TCEANC2: variants seen among roughly 807,000 people sequenced by gnomAD.
The protein encoded by TCEANC2 is transcription elongation factor A N-terminal and central domain-containing protein 2.
Under a neutral mutation model 22.8 loss-of-function variants are expected in TCEANC2, and 20 were observed. The observed-to-expected ratio is 0.88, with a 90% CI of 0.62 to 1.28. TCEANC2 has a LOEUF of 1.28. Ranked by LOEUF, TCEANC2 falls within the 50% of genes most tolerant of loss-of-function variation. The pLI is 0.00. For missense variants in TCEANC2, 251 were observed against 249.7 expected, an observed-to-expected ratio of 1.01 and a Z score of -0.03; for synonymous variants, 84 against 95.5, an observed-to-expected ratio of 0.88 and a Z score of 0.70.
At chr1:54,054,618 C>T in intron 2 of TCEANC2, 94 bp downstream of exon 2, 1 of 1,224,674 alleles carries the variant, frequency 8.2e-7, no homozygotes, top group South Asian at 1.6e-5. Context: ...TGAATTATTT[C>T]TTGTTATGCC....
chr1:54,079,919 CGTT>C (rs1294597988), intron 3 of TCEANC2, among the ~76,000 whole-genome samples: 1 of 152,028 alleles, frequency 6.6e-6, no homozygotes, highest in Non-Finnish European at 1.5e-5. Flanking sequence ...CTTGAGTTAT[CGTT>C]ATTATTATTA....
intron 2 of TCEANC2, among the ~76,000 whole-genome samples, chr1:54,057,943 G>A (rs933970222): frequency 1.3e-5 from 2 of 152,064 alleles, no homozygotes; most frequent in Non-Finnish European, 1.5e-5. Flanking sequence ...ATCTTGTCTT[G>A]GAGGCAATAT....
chr1:54,088,810 C>A lies in TCEANC2; in HGVS notation c.438+20C>A. The A allele has an allele frequency of 1.3e-6, 2 of 1,516,726 alleles. No individual in the cohort carries two copies. Among genetic ancestry groups the A allele is most frequent in the Non-Finnish European group, 1.8e-6 (2 of 1,126,038 alleles). The allele number at this position is 1,516,726 out of a possible 1,614,324, so 94.0% of individuals were successfully genotyped here. A position where few individuals can be genotyped will look rare whatever the true frequency, so the allele number is the denominator to read the frequency against. On this transcript the variant is annotated intron_variant, in intron 4 of 4. Transcript: ENST00000234827. ...TTAAAGGTAATGCCCTAAATATATACAACTGTTATGTACCCATAATAATTA... is the reference window on the plus strand; with the variant it reads ...TTAAAGGTAATGCCCTAAATATATAAAACTGTTATGTACCCATAATAATTA...
At chr1:54,110,796 A>T (rs74085200), downstream of TCEANC2, among the ~76,000 whole-genome samples, 5,479 of 151,794 alleles carry the variant, frequency 0.036, 253 homozygotes, top group East Asian at 0.2. Context: ...CTTCCTGACT[A>T]TACCCCTTCC....
At chr1:54,085,904 T>C (rs1220891756) in intron 3 of TCEANC2, among the ~76,000 whole-genome samples, 2 of 152,076 alleles carry the variant, frequency 1.3e-5, no homozygotes, top group Admixed American at 1.3e-4. Flanking sequence ...TGGCTAATTT[T>C]TTAATTTTTT....
chr1:54,054,586 G>T, intron 2 of TCEANC2, 62 bp downstream of exon 2: 1 of 1,508,976 alleles, frequency 6.6e-7, no homozygotes, highest in East Asian at 2.3e-5. Flanking sequence ...TGGTGCTAGA[G>T]GTTCTGTTGT....
In TCEANC2 at chr1:54,092,861, T is replaced by A. The variant is rs1658474213; in HGVS notation, c.439-3424T>A. Reference sequence around the variant, plus strand: ...TATATCTTCCTCCAGCTATAGCTAGTTCATCCAGAATTAGCTGTATAACAC... The same window carrying A: ...TATATCTTCCTCCAGCTATAGCTAGATCATCCAGAATTAGCTGTATAACAC... On this transcript the variant is annotated intron_variant, in intron 4 of 4. Transcript: ENST00000234827. Among the ~76,000 whole-genome samples, 4 of 148,668 alleles carry A rather than the reference T, an allele frequency of 2.7e-5. 1 individual carries two copies. The South Asian group carries it at 8.3e-4, about 31-fold the overall frequency.
At position 54,068,910 on chromosome 1, in the gene TCEANC2, T is replaced by C. The variant is rs190826236; in HGVS notation, c.244+13T>C. ...TCAACAAGGATAGGTATATTCCTTC[T>C]TAATTTTATTTTTTAAGAAAGCTTA... On this transcript the variant is annotated intron_variant, in intron 3 of 4. Coordinates refer to ENST00000234827, the MANE Select transcript of TCEANC2 (RefSeq NM_153035.3). 141 of 1,523,674 alleles carry C rather than the reference T, an allele frequency of 9.3e-5. No individual in the cohort carries two copies. The highest frequency in any genetic ancestry group is 3.7e-5 in the Non-Finnish European group (42 of 1,142,004). The allele number at this position is 1,523,674 out of a possible 1,614,324, so 94.4% of individuals were successfully genotyped here. A position where few individuals can be genotyped will look rare whatever the true frequency, so the allele number is the denominator to read the frequency against.
chr1:54,087,479 A>T (rs1019672225), intron 3 of TCEANC2, among the ~76,000 whole-genome samples: 2 of 152,162 alleles, frequency 1.3e-5, no homozygotes, highest in African/African-American at 4.8e-5. Flanking sequence ...TTGTCATTTC[A>T]ACTCTACATA....
chr1:54,080,869 A>G (rs762302726), intron 3 of TCEANC2, among the ~76,000 whole-genome samples: 4 of 152,222 alleles, frequency 2.6e-5, no homozygotes, highest in Non-Finnish European at 5.9e-5. Flanking sequence ...CATAAACTTC[A>G]TGGAGCAAAT....
At chr1:54,109,536 G>T (rs1380572448), downstream of TCEANC2, among the ~76,000 whole-genome samples, 1 of 152,176 alleles carries the variant, frequency 6.6e-6, no homozygotes. Flanking sequence ...GTAACTATTT[G>T]TTAACCAGCA....
chr1:54,061,801 A>C (rs1398993020), intron 2 of TCEANC2, among the ~76,000 whole-genome samples: 2 of 152,178 alleles, frequency 1.3e-5, no homozygotes, highest in African/African-American at 4.8e-5. Flanking sequence ...GAGGTATAAA[A>C]ATCTTGGAAT....
chr1:54,089,206 C>T (rs1424161751), intron 4 of TCEANC2, among the ~76,000 whole-genome samples: 2 of 152,162 alleles, frequency 1.3e-5, no homozygotes, highest in Admixed American at 6.5e-5. Context: ...GTAGTGCCTG[C>T]TGATTAGAAG....
chr1:54,068,556 C>G (rs1450753308), intron 2 of TCEANC2, among the ~76,000 whole-genome samples, 200 bp from the exon 3 acceptor site: 1 of 152,208 alleles, frequency 6.6e-6, no homozygotes, highest in Non-Finnish European at 1.5e-5. Flanking sequence ...CTAATAGATG[C>G]ACCTCTCTTC....
At chr1:54,078,984 A>G (rs779735342) in intron 3 of TCEANC2, among the ~76,000 whole-genome samples, 8 of 152,230 alleles carry the variant, frequency 5.3e-5, no homozygotes, top group Non-Finnish European at 1.2e-4. Flanking sequence ...GCTGGCAGTG[A>G]TAAGGCCTCT....
rs751564960 is a variant in TCEANC2, at chr1:54,054,170, C to T, written c.-42-211C>T. On this transcript the variant is annotated intron_variant, in intron 1 of 4. Coordinates refer to ENST00000234827, the MANE Select transcript of TCEANC2 (RefSeq NM_153035.3). ...GCGTGCACTTCTGGAAGCTAGGAACCTCCTAACTCAGGACGTAGACTGATG... is the reference window on the plus strand; with the variant it reads ...GCGTGCACTTCTGGAAGCTAGGAACTTCCTAACTCAGGACGTAGACTGATG... 6 of 1,258,434 alleles carry T rather than the reference C, an allele frequency of 4.8e-6. No individual in the cohort carries two copies. The East Asian group carries it at 1.4e-4, about 29-fold the overall frequency. 78.0% of individuals were successfully genotyped at this position (1,258,434 alleles called of 1,614,324 possible). A position where few individuals can be genotyped will look rare whatever the true frequency, so the allele number is the denominator to read the frequency against.
chr1:54,091,315 C>T (rs1658443249), intron 4 of TCEANC2, among the ~76,000 whole-genome samples: 1 of 152,162 alleles, frequency 6.6e-6, no homozygotes, highest in Non-Finnish European at 1.5e-5. Context: ...AATCAATGAA[C>T]CATCTAATTC....
At chr1:54,106,281 G>A (rs751058532), downstream of TCEANC2, among the ~76,000 whole-genome samples, 14 of 152,290 alleles carry the variant, frequency 9.2e-5, no homozygotes, top group South Asian at 2.1e-4. Flanking sequence ...TTGGAATACC[G>A]TGCAGTGGAT....
In TCEANC2 at chr1:54,054,419, A is replaced by G. The variant is rs1229971361; in HGVS notation, c.-4A>G. On this transcript the variant is annotated 5_prime_UTR_variant, in exon 2 of 5. Transcript: ENST00000234827. Reference sequence around the variant, plus strand: ...CACGTCAAGGTAGTCGGAGTCCCCTAACAATGGATAAATTCGTCATTCGAA... The same window carrying G: ...CACGTCAAGGTAGTCGGAGTCCCCTGACAATGGATAAATTCGTCATTCGAA... 1 of 1,613,902 alleles carries G rather than the reference A, an allele frequency of 6.2e-7. No individual in the cohort carries two copies. Among genetic ancestry groups the G allele is most frequent in the Non-Finnish European group, 8.5e-7 (1 of 1,180,000 alleles).
Sources: allele counts gnomAD v4.1 joint callset (sites outside exome capture counted in the v4.1 genomes callset), GRCh38; gene constraint gnomAD v4.1.1; transcripts MANE v1.5; gene names NCBI Gene and HGNC (gene_info 2026-07-23, HGNC 2026-07-21).